The following KCNK10 variants were observed in gnomAD, a reference collection of about 807,000 sequenced individuals.
The protein encoded by KCNK10 is potassium channel subfamily K member 10.
A neutral mutation model predicts 47.7 loss-of-function variants in KCNK10; 25 were observed. That is an observed-to-expected ratio of 0.52 (90% CI 0.38 to 0.73). The LOEUF (loss-of-function observed/expected upper bound fraction) is 0.73, where lower values mean the gene tolerates loss of function less well. Ranked by LOEUF, KCNK10 falls within the 30% of genes least tolerant of loss-of-function variation. KCNK10 has a pLI of 0.00. For synonymous variants in KCNK10, 303 were observed against 285.6 expected (o/e 1.06, Z -0.61); for missense variants, 563 against 714.5 (o/e 0.79, Z 2.42).
intron 4 of KCNK10, among the ~76,000 whole-genome samples, chr14:88,224,722 G>A (rs1885927952): frequency 6.6e-6 from 1 of 152,158 alleles, no homozygotes; most frequent in Non-Finnish European, 1.5e-5. Flanking sequence ...CAATTCTAAT[G>A]CCTCCGCCTC....
At chr14:88,279,146 C>T (rs895384749) in intron 1 of KCNK10, among the ~76,000 whole-genome samples, 1 of 152,154 alleles carries the variant, frequency 6.6e-6, no homozygotes, top group Non-Finnish European at 1.5e-5. Flanking sequence ...CTAATTTTCC[C>T]CAAATGCAAT....
rs747254595 is a variant in KCNK10, at chr14:88,185,963, G to A, written c.1204C>T (p.Arg402Cys). 21 of 1,613,574 alleles carry A rather than the reference G, an allele frequency of 1.3e-5. No homozygotes were observed. Among genetic ancestry groups the A allele is most frequent in the Middle Eastern group, 1.6e-4 (1 of 6,084 alleles). The change falls in exon 7 of 7, where the codon CGC (arginine) becomes TGC (cysteine). Residue 402 changes from arginine (R) to cysteine (C), a missense_variant. Transcript: ENST00000319231. The surrounding 1 kb of genome is among the most constrained non-coding windows in gnomAD (Gnocchi z 4.3). ...GTGTCCAGGGCAGCAAAGACAGAGC[G>A]CTTCTCGGGGGACAGCATGTCCAGT... ...HSLDMLSPEK[R>C]SVFAALDTGR...
chr14:88,215,456 A>G (rs1287663120), intron 4 of KCNK10, among the ~76,000 whole-genome samples: 2 of 152,120 alleles, frequency 1.3e-5, no homozygotes, highest in Admixed American at 1.3e-4. Flanking sequence ...TGATTCAATT[A>G]CCTCCCACTG....
At chr14:88,320,130 T>A (rs979796771) in intron 1 of KCNK10, among the ~76,000 whole-genome samples, 2 of 152,228 alleles carry the variant, frequency 1.3e-5, no homozygotes, top group Non-Finnish European at 2.9e-5. Context: ...AGTGGTGTCA[T>A]GATGGCAATC....
At chr14:88,301,494 C>T (rs1362550247) in intron 1 of KCNK10, among the ~76,000 whole-genome samples, 2 of 151,938 alleles carry the variant, frequency 1.3e-5, no homozygotes, top group Non-Finnish European at 1.5e-5. Context: ...GAGTTAGAGG[C>T]ATGATGCAGA....
Position 88,260,974 on chromosome 14 carries a change from T to A in KCNK10, c.402+2228A>T, listed in dbSNP as rs1303219563. ...CTGTCCTTCATTCAGGTCTCTGAGC[T>A]CTCTCATAAAGATGAGGGTTAAAGA... On this transcript the variant is annotated intron_variant, in intron 2 of 6. Coordinates refer to ENST00000319231, the MANE Select transcript of KCNK10 (RefSeq NM_138317.3). The surrounding 1 kb of genome is among the most constrained non-coding windows in gnomAD (Gnocchi z 4.5). Among the ~76,000 whole-genome samples the A allele has an allele frequency of 6.6e-6, 1 of 152,180 alleles. No individual in the cohort carries two copies. The highest frequency in any genetic ancestry group is 2.4e-5 in the African/African-American group (1 of 41,440).
chr14:88,187,966 C>G lies in KCNK10; in HGVS notation c.1011+1G>C. The G allele has an allele frequency of 6.2e-7, 1 of 1,613,990 alleles. No individual in the cohort carries two copies. Among genetic ancestry groups the G allele is most frequent in the Non-Finnish European group, 8.5e-7 (1 of 1,179,988 alleles). ...TTCATAGGGTTAGGAAGGGGTCCTA[C>G]CTCTTCTTTTGTCTTTTTGGACAGA... is the stretch of plus-strand genomic sequence containing the variant. On this transcript the variant is annotated splice_donor_variant, in intron 6 of 6. Transcript: ENST00000319231. LOFTEE classifies it high-confidence loss of function.
chr14:88,267,776 C>T (rs1211192285), intron 1 of KCNK10, among the ~76,000 whole-genome samples: 2 of 152,158 alleles, frequency 1.3e-5, no homozygotes, highest in Non-Finnish European at 2.9e-5. Flanking sequence ...CTGGAATCAA[C>T]CACTGGAGTT....
chr14:88,222,217 A>G (rs994173827), intron 4 of KCNK10, among the ~76,000 whole-genome samples: 1 of 152,210 alleles, frequency 6.6e-6, no homozygotes, highest in African/African-American at 2.4e-5. Flanking sequence ...TGAGAATAGC[A>G]CAGGAAAGAC....
intron 3 of KCNK10, among the ~76,000 whole-genome samples, chr14:88,237,983 T>C (rs1886344963): frequency 6.6e-6 from 1 of 152,246 alleles, no homozygotes; most frequent in Non-Finnish European, 1.5e-5. Flanking sequence ...CATCTTGTAA[T>C]ATAAGGCTGT....
intron 1 of KCNK10, among the ~76,000 whole-genome samples, chr14:88,315,176 G>A (rs1888405457): frequency 1.3e-5 from 2 of 152,120 alleles, no homozygotes; most frequent in African/African-American, 4.8e-5. Flanking sequence ...TAAGAATGTA[G>A]AGGCCGAAAC....
At chr14:88,309,568 C>T (rs918671708) in intron 1 of KCNK10, among the ~76,000 whole-genome samples, 4 of 152,174 alleles carry the variant, frequency 2.6e-5, no homozygotes, top group Admixed American at 2.6e-4. Flanking sequence ...CACCGCTGCA[C>T]TCCAGCTCGG....
At chr14:88,223,880 G>T (rs113652276) in intron 4 of KCNK10, among the ~76,000 whole-genome samples, 1 of 151,728 alleles carries the variant, frequency 6.6e-6, no homozygotes, top group Admixed American at 6.6e-5. Context: ...CTGTACACCC[G>T]GCTTAAAAAA....
At chr14:88,256,704 C>G (rs1286477040) in intron 2 of KCNK10, among the ~76,000 whole-genome samples, 15 of 152,224 alleles carry the variant, frequency 9.9e-5, no homozygotes, top group Non-Finnish European at 1.5e-5. Context: ...AGTTTGAAGC[C>G]CAAGAGTCAT....
chr14:88,258,579 G>A (rs566090801), intron 2 of KCNK10, among the ~76,000 whole-genome samples: 3 of 152,138 alleles, frequency 2.0e-5, no homozygotes, highest in South Asian at 2.1e-4. Flanking sequence ...GTGAGCCACC[G>A]AACCCGGCCG....
chr14:88,196,189 A>G (rs2139832326), intron 4 of KCNK10, among the ~76,000 whole-genome samples: 1 of 152,322 alleles, frequency 6.6e-6, no homozygotes, highest in South Asian at 2.1e-4. Context: ...ATTGATACAA[A>G]CTATAGGAAT....
chr14:88,272,481 TG>T (rs535360501), intron 1 of KCNK10, among the ~76,000 whole-genome samples: 1 of 151,426 alleles, frequency 6.6e-6, no homozygotes, highest in Admixed American at 6.6e-5. Flanking sequence ...GGAACAGCAA[TG>T]GGGGGGCAAC....
chr14:88,227,187 G>A (rs964277388), intron 4 of KCNK10, among the ~76,000 whole-genome samples, 188 bp downstream of exon 4: 2 of 152,180 alleles, frequency 1.3e-5, no homozygotes, highest in African/African-American at 4.8e-5. Context: ...AAAATAGGAA[G>A]CTACTCAAAG....
intron 3 of KCNK10, 68 bp from the exon 4 acceptor site, chr14:88,227,603 A>T: frequency 1.4e-6 from 2 of 1,460,782 alleles, no homozygotes; most frequent in Admixed American, 4.6e-5. Flanking sequence ...GAACTCACAG[A>T]CTTTTTTAAA....
Sources: gnomAD v4.1 joint callset for allele counts (sites outside exome capture counted in the v4.1 genomes callset) on GRCh38, gnomAD v4.1.1 for gene constraint, Gnocchi (gnomAD v3.1) non-coding constraint, MANE v1.5 for transcripts, NCBI Gene and HGNC (gene_info 2026-07-23, HGNC 2026-07-21) for gene names.